The following GPHN variants were observed in gnomAD, a reference collection of about 807,000 sequenced individuals.
GPHN encodes the protein gephyrin.
Under a neutral mutation model 95.5 loss-of-function variants are expected in GPHN, and 17 were observed. That is an observed-to-expected ratio of 0.18 (90% CI 0.12 to 0.27). The LOEUF (loss-of-function observed/expected upper bound fraction) is 0.27, where lower values mean the gene tolerates loss of function less well. Among genes scored for constraint, GPHN ranks in the 10% least tolerant of loss-of-function variants. The pLI is 1.00. For synonymous variants in GPHN, 320 were observed against 322.5 expected, an observed-to-expected ratio of 0.99 and a Z score of 0.08; for missense variants, 660 against 978.1, an observed-to-expected ratio of 0.67 and a Z score of 4.34.
intron 17 of GPHN, among the ~76,000 whole-genome samples, chr14:67,135,100 C>T (rs1307118404): frequency 2.6e-5 from 4 of 151,248 alleles, no homozygotes; most frequent in South Asian, 2.1e-4. Context: ...ACGGGCATTA[C>T]GGGCACCTGC....
intron 1 of GPHN, among the ~76,000 whole-genome samples, chr14:66,528,200 C>G (rs12589948): frequency 0.31 from 47,307 of 152,014 alleles, 11,185 homozygotes; most frequent in African/African-American, 0.64. Flanking sequence ...TTGCATTGAT[C>G]CCTTTACCAT....
intron 1 of GPHN, among the ~76,000 whole-genome samples, chr14:66,601,694 T>G (rs1477486001): frequency 6.6e-6 from 1 of 151,870 alleles, no homozygotes; most frequent in Non-Finnish European, 1.5e-5. Flanking sequence ...AATAATAGAT[T>G]GACATTTGTG....
chr14:66,661,786 C>T (rs574197666), intron 1 of GPHN, among the ~76,000 whole-genome samples: 11 of 151,998 alleles, frequency 7.2e-5, no homozygotes, highest in Admixed American at 4.6e-4. Context: ...GGGAGGTGGG[C>T]GGGCGCCATC....
chr14:67,199,588 T>A, the GPHN span: 1 of 1,595,106 alleles, frequency 6.3e-7, no homozygotes, highest in Non-Finnish European at 8.6e-7. Flanking sequence ...CCGTATCTTA[T>A]GCCTTCGAGA....
chr14:66,583,745 A>T (rs919795775), intron 1 of GPHN, among the ~76,000 whole-genome samples: 19 of 151,802 alleles, frequency 1.3e-4, no homozygotes, highest in Non-Finnish European at 2.5e-4. Context: ...AGTGGTCTAT[A>T]TCTCTGTTTT....
chr14:66,965,471 AT>A (rs940963502), intron 9 of GPHN, 146 bp downstream of exon 9: 3 of 779,348 alleles, frequency 3.8e-6, no homozygotes, highest in South Asian at 3.1e-5. Context: ...GTTCCCACCC[AT>A]TGTGTCACAA....
At chr14:67,529,921 T>C in the GPHN span, among the ~76,000 whole-genome samples, 1 of 152,148 alleles carries the variant, frequency 6.6e-6, no homozygotes, top group Admixed American at 6.5e-5. Flanking sequence ...GAGAACCAGG[T>C]CCTGAAGGCA....
At chr14:67,374,346 G>A in the GPHN span, 29 of 523,512 alleles carry the variant, frequency 5.5e-5, no homozygotes, top group Non-Finnish European at 9.5e-5. Context: ...TTTGTTGATA[G>A]GATTTTAGTA....
the GPHN span, among the ~76,000 whole-genome samples, chr14:67,423,294 T>G: frequency 7.7e-4 from 118 of 152,328 alleles, no homozygotes; most frequent in African/African-American, 2.7e-3. Flanking sequence ...TGTAGTGACC[T>G]CTAAGAGAGT....
At chr14:67,381,809 T>C in the GPHN span, 1 of 657,848 alleles carries the variant, frequency 1.5e-6, no homozygotes, top group East Asian at 2.7e-5. Flanking sequence ...GGTTTTTTAC[T>C]CTTAAAATTG....
At chr14:66,721,951 C>CAAAA (rs35174343) in intron 2 of GPHN, among the ~76,000 whole-genome samples, 1 of 60,114 alleles carries the variant, frequency 1.7e-5, no homozygotes, top group African/African-American at 5.0e-5. Context: ...AACTCTGTCT[C>CAAAA]AAAAAAAAAA....
rs1333849779 is a variant in GPHN, at chr14:67,148,813, G to A, written c.1836+5364G>A. On this transcript the variant is annotated intron_variant, in intron 18 of 22. Transcript: ENST00000478722. ...GATCTCCTGACCTCATGATCCACCC[G>A]CCTCGGCCTCCCAAAGTGCTGGGAT... Among the ~76,000 whole-genome samples, 5 of 151,294 alleles carry A rather than the reference G, an allele frequency of 3.3e-5. No individual in the cohort carries two copies. The South Asian group carries it at 8.4e-4, about 25-fold the overall frequency.
chr14:66,711,066 G>T (rs950302755), intron 2 of GPHN, among the ~76,000 whole-genome samples: 1 of 151,992 alleles, frequency 6.6e-6, no homozygotes, highest in African/African-American at 2.4e-5. Flanking sequence ...TTTTCCATAG[G>T]TTATTGGGGG....
the GPHN span, chr14:67,555,928 G>T: frequency 2.5e-6 from 4 of 1,603,910 alleles, no homozygotes; most frequent in South Asian, 4.5e-5. Flanking sequence ...GCAGGGGAAT[G>T]ACCGTCGGCC....
intron 8 of GPHN, among the ~76,000 whole-genome samples, chr14:66,932,531 A>G (rs1285804190): frequency 7.6e-6 from 1 of 130,922 alleles, no homozygotes; most frequent in African/African-American, 2.9e-5. Context: ...AATGCCGTCC[A>G]AGAGCTAGGG....
chr14:66,878,615 G>A (rs2063782090), intron 4 of GPHN, among the ~76,000 whole-genome samples: 1 of 152,118 alleles, frequency 6.6e-6, no homozygotes, highest in Non-Finnish European at 1.5e-5. Flanking sequence ...ATGTAAAAAA[G>A]CTAAGGGTCA....
At chr14:67,586,050 G>A in the GPHN span, 1 of 1,613,984 alleles carries the variant, frequency 6.2e-7, no homozygotes, top group Admixed American at 1.7e-5. Context: ...CAAGAGCTCT[G>A]GAAAAAGCCA....
At chr14:66,630,879 A>G (rs185918594) in intron 1 of GPHN, among the ~76,000 whole-genome samples, 31 of 150,548 alleles carry the variant, frequency 2.1e-4, no homozygotes, top group Admixed American at 6.0e-4. Context: ...GCTGTCACTA[A>G]CAAATACTTT....
chr14:66,779,784 GT>G (rs2059539513), intron 3 of GPHN, among the ~76,000 whole-genome samples: 2 of 152,092 alleles, frequency 1.3e-5, no homozygotes, highest in African/African-American at 2.4e-5. Context: ...ATGTTAAGAA[GT>G]TTGGTTTTTA....
Sources: allele counts gnomAD v4.1 joint callset (sites outside exome capture counted in the v4.1 genomes callset), GRCh38; gene constraint gnomAD v4.1.1; transcripts MANE v1.5; gene names NCBI Gene and HGNC (gene_info 2026-07-23, HGNC 2026-07-21).